Variants in SLC17A1 observed in about 807,000 individuals in gnomAD.
SLC17A1 encodes the protein sodium-dependent phosphate transport protein 1.
A neutral mutation model predicts 53.5 loss-of-function variants in SLC17A1; 51 were observed. The ratio of observed to expected loss-of-function variants is 0.95; its 90% CI spans 0.76 to 1.20. The LOEUF (loss-of-function observed/expected upper bound fraction) is 1.20. Ranked by LOEUF, SLC17A1 falls within the 50% of genes most tolerant of loss-of-function variation. The pLI is 0.00. For missense variants in SLC17A1, 538 were observed against 568.2 expected (o/e 0.95, Z 0.54); for synonymous variants, 179 against 198.8 (o/e 0.90, Z 0.84).
the SLC17A1 span, among the ~76,000 whole-genome samples, chr6:25,746,351 C>T: frequency 6.9e-6 from 1 of 145,112 alleles, no homozygotes; most frequent in Non-Finnish European, 1.5e-5. Flanking sequence ...TCCAGTATAA[C>T]ATTTATAAAG....
intron 12 of SLC17A1, among the ~76,000 whole-genome samples, chr6:25,796,639 C>A (rs116503947): frequency 2.4e-4 from 37 of 152,194 alleles, no homozygotes; most frequent in African/African-American, 8.9e-4. Flanking sequence ...TCATTTGGAT[C>A]ATTTCTTCCA....
Position 25,798,991 on chromosome 6 carries a change from A to C in SLC17A1, c.1270-72T>G, listed in dbSNP as rs1253615459. ...TTTTGTTTTGTAATGTTTAAAATGT[A>C]ATATTAAAAATGTAGACTCAAGTCA... On this transcript the variant is annotated intron_variant, in intron 11 of 12. Transcript: ENST00000244527. 5 of 1,388,214 alleles carry C rather than the reference A, an allele frequency of 3.6e-6. No homozygotes were observed. In the Admixed American group the frequency reaches 1.1e-4, roughly 29 times the overall value. The allele number at this position is 1,388,214 out of a possible 1,614,324, so 86.0% of individuals were successfully genotyped here.
At chr6:25,794,707 G>A (rs968109169) in intron 12 of SLC17A1, among the ~76,000 whole-genome samples, 2 of 152,118 alleles carry the variant, frequency 1.3e-5, no homozygotes, top group African/African-American at 4.8e-5. Flanking sequence ...TACATTCGAA[G>A]GGAAGAGAGG....
intron 11 of SLC17A1, among the ~76,000 whole-genome samples, chr6:25,799,260 T>C (rs185798310): frequency 2.1e-4 from 32 of 152,322 alleles, no homozygotes; most frequent in Admixed American, 5.2e-4. Context: ...TTGTATCCTG[T>C]AAGCTTATAT....
chr6:25,824,964 T>C (rs920629858), intron 3 of SLC17A1, among the ~76,000 whole-genome samples: 1 of 151,998 alleles, frequency 6.6e-6, no homozygotes, highest in Non-Finnish European at 1.5e-5. Context: ...TAATGCCCTC[T>C]TTATCTCTGG....
intron 10 of SLC17A1, among the ~76,000 whole-genome samples, chr6:25,805,607 A>C (rs943306032): frequency 2.0e-5 from 3 of 151,942 alleles, no homozygotes; most frequent in African/African-American, 7.2e-5. Context: ...GAAGAGATAA[A>C]TTAGATGATT....
At position 25,819,169 on chromosome 6, in the gene SLC17A1, C is replaced by T. The variant is rs1344474922; in HGVS notation, c.530-15G>A. ...CAGCAAAAACCCTAATCAGTAGGTA[C>T]AAAGAACACCCCTAATTAATGCAGG... On this transcript the variant is annotated splice_polypyrimidine_tract_variant and intron_variant, in intron 5 of 12. Transcript: ENST00000244527. 1 of 1,544,740 alleles carries T rather than the reference C, an allele frequency of 6.5e-7. No individual in the cohort carries two copies.
chr6:25,783,919 G>T (rs1372543863), intron 12 of SLC17A1, among the ~76,000 whole-genome samples: 2 of 151,734 alleles, frequency 1.3e-5, no homozygotes, highest in African/African-American at 4.8e-5. Flanking sequence ...GGCTTTACCT[G>T]GTTAATAGGT....
intron 10 of SLC17A1, among the ~76,000 whole-genome samples, chr6:25,806,463 G>A (rs563382393): frequency 2.6e-5 from 4 of 151,960 alleles, no homozygotes; most frequent in Non-Finnish European, 5.9e-5. Flanking sequence ...CTGACAACTG[G>A]AACAAGACAA....
the SLC17A1 span, among the ~76,000 whole-genome samples, chr6:25,764,573 C>T: frequency 6.6e-6 from 1 of 152,150 alleles, no homozygotes; most frequent in Non-Finnish European, 1.5e-5. Flanking sequence ...AGAGAGGAGC[C>T]AAGAGCTCAT....
chr6:25,769,782 A>ATT, the SLC17A1 span, among the ~76,000 whole-genome samples: 1 of 147,966 alleles, frequency 6.8e-6, no homozygotes, highest in African/African-American at 2.5e-5. Flanking sequence ...CCTTCCACGT[A>ATT]TTTTTTTTTT....
At chr6:25,726,391 G>T in the SLC17A1 span, 3 of 1,614,144 alleles carry the variant, frequency 1.9e-6, no homozygotes, top group Non-Finnish European at 1.7e-6. Flanking sequence ...TGGTGCGCCT[G>T]CCCCTATCCG....
the SLC17A1 span, chr6:25,769,262 G>T: frequency 4.4e-6 from 6 of 1,371,898 alleles, no homozygotes; most frequent in African/African-American, 8.6e-5. Flanking sequence ...AAAAGAGTGA[G>T]ATTCATTTAA....
intron 12 of SLC17A1, among the ~76,000 whole-genome samples, chr6:25,798,189 C>T (rs1763644091): frequency 6.6e-6 from 1 of 152,130 alleles, no homozygotes; most frequent in African/African-American, 2.4e-5. Flanking sequence ...CTGCATCTTT[C>T]AATTCTTATT....
chr6:25,821,054 G>T (rs938654356), intron 3 of SLC17A1, among the ~76,000 whole-genome samples: 15 of 152,164 alleles, frequency 9.9e-5, no homozygotes, highest in African/African-American at 3.6e-4. Context: ...TTATTTGGAA[G>T]TGTCTAGGAT....
At position 25,826,652 on chromosome 6, in the gene SLC17A1, A is replaced by G; in HGVS notation, c.35-19T>C. 1 of 1,538,048 alleles carries G rather than the reference A, an allele frequency of 6.5e-7. No homozygotes were observed. Among genetic ancestry groups the G allele is most frequent in the Non-Finnish European group, 8.8e-7 (1 of 1,136,988 alleles). ...CCTGGAACTACAAAGTAAAACAGAA[A>G]GTCGCAATTGCTGACAGAGCTGAGA... is the stretch of plus-strand genomic sequence containing the variant. On this transcript the variant is annotated intron_variant, in intron 2 of 12. Coordinates refer to ENST00000244527, the MANE Select transcript of SLC17A1 (RefSeq NM_005074.5).
chr6:25,727,903 G>T, the SLC17A1 span, among the ~76,000 whole-genome samples: 1 of 152,082 alleles, frequency 6.6e-6, no homozygotes, highest in African/African-American at 2.4e-5. Context: ...TGTAGTCCCA[G>T]CTAATTGGGA....
At chr6:25,733,456 A>C in the SLC17A1 span, among the ~76,000 whole-genome samples, 1 of 152,146 alleles carries the variant, frequency 6.6e-6, no homozygotes. Context: ...TCTTCTGCCA[A>C]AGAATTACCT....
chr6:25,752,394 A>T, the SLC17A1 span, among the ~76,000 whole-genome samples: 1 of 152,260 alleles, frequency 6.6e-6, no homozygotes, highest in African/African-American at 2.4e-5. Context: ...GAGACTTATC[A>T]TAAATGGAGC....
Sources: allele counts gnomAD v4.1 joint callset (sites outside exome capture counted in the v4.1 genomes callset), GRCh38; gene constraint gnomAD v4.1.1; transcripts MANE v1.5; gene names NCBI Gene and HGNC (gene_info 2026-07-23, HGNC 2026-07-21).